Variants in RBM12B observed in about 807,000 individuals in gnomAD.
The protein encoded by RBM12B is RNA binding motif protein 12B.
RBM12B carries 10 observed loss-of-function variants against 34.3 expected under a neutral mutation model. The ratio of observed to expected loss-of-function variants is 0.29; its 90% CI spans 0.18 to 0.49. The LOEUF is 0.49. Among genes scored for constraint, RBM12B ranks in the 20% least tolerant of loss-of-function variants. The pLI is 0.99. For missense variants in RBM12B, 1,139 were observed against 1,262.7 expected, an observed-to-expected ratio of 0.90 and a Z score of 1.48; for synonymous variants, 477 against 437.1, an observed-to-expected ratio of 1.09 and a Z score of -1.14.
At position 93,734,780 on chromosome 8, in the gene RBM12B, T is replaced by A; in HGVS notation, c.1631A>T (p.Gln544Leu). The A allele has an allele frequency of 6.2e-7, 1 of 1,614,176 alleles. No homozygotes were observed. The highest frequency in any genetic ancestry group is 2.2e-5 in the East Asian group (1 of 44,888). The change falls in exon 4 of 4, where the codon CAG (glutamine) becomes CTG (leucine). Residue 544 changes from glutamine to leucine, a missense_variant. Physicochemically the swap from Gln to Leu is moderately radical, Grantham distance 113 (BLOSUM62 -2). Coordinates refer to ENST00000520560, the MANE Select transcript of RBM12B (RefSeq NM_001377960.1). The stretch of plus-strand genomic sequence containing the variant: ...CCTGTCAGGCTGCCGGAAATCCCTC[T>A]GGGGATGCTTGAAGTTATCCAGTTG... ...LRQLDNFKHP[Q>L]RDFRQPDRHP...
chr8:93,737,186 G>A (rs1812047331), intron 3 of RBM12B, 121 bp downstream of exon 3: 1 of 152,142 alleles, frequency 6.6e-6, no homozygotes, highest in Non-Finnish European at 1.5e-5. Context: ...CAGCCTGGAG[G>A]ACAGAGTGAG....
rs758800512 is a variant in RBM12B, at chr8:93,735,418, G to C, written c.993C>G (p.Phe331Leu). 1 of 1,613,294 alleles carries C rather than the reference G, an allele frequency of 6.2e-7. No individual in the cohort carries two copies. The highest frequency in any genetic ancestry group is 2.2e-5 in the East Asian group (1 of 44,860). Reference sequence around the variant, plus strand: ...CGGTATTATAGTCTTTCAGAGTCTTGAACATCACAAAGGCATATCTTGTTC... The same window carrying C: ...CGGTATTATAGTCTTTCAGAGTCTTCAACATCACAAAGGCATATCTTGTTC... Reference protein sequence around the residue: ...ENRTRYAFVMFKTLKDYNTAL... With the variant: ...ENRTRYAFVMLKTLKDYNTAL... Residue 331 changes from phenylalanine (F) to leucine (L), a missense_variant, in exon 4 of 4, where the codon TTC becomes TTG. Physicochemically the swap from Phe to Leu is conservative, Grantham distance 22 (BLOSUM62 0). Transcript: ENST00000520560.
rs1033704151 is a variant in RBM12B at position 93,734,573 on chromosome 8, T to TGCCTGAAGTCATCCTCCGGAGGGC, written c.1814_1837dup (p.Arg605_Arg612dup). The TGCCTGAAGTCATCCTCCGGAGGGC allele has an allele frequency of 6.2e-7, 1 of 1,610,954 alleles. No homozygotes were observed. The highest frequency in any genetic ancestry group is 8.5e-7 in the Non-Finnish European group (1 of 1,179,032). On this transcript the variant is annotated inframe_insertion, in exon 4 of 4. Coordinates refer to ENST00000520560, the MANE Select transcript of RBM12B (RefSeq NM_001377960.1). ...CCTCCTCCAGTCCTCCTCCCTAGGG[T>TGCCTGAAGTCATCCTCCGGAGGGC]GCCTGAAGTCATCCTCCGGAGGGCG...
In RBM12B at chr8:93,734,669, C is replaced by T. The variant is rs764615923; in HGVS notation, c.1742G>A (p.Arg581Gln). 3.5e-5 allele frequency: 56 copies of T among 1,613,814 alleles called. No individual in the cohort carries two copies. The highest frequency in any genetic ancestry group is 1.1e-4 in the South Asian group (10 of 91,082). Residue 581 changes from arginine to glutamine, a missense_variant, in exon 4 of 4, where the codon CGA becomes CAA. Around this residue, in one of 3 missense-constraint regions of RBM12B, gnomAD observed 863 missense variants for 869.5 expected, o/e 0.99. Coordinates refer to ENST00000520560, the MANE Select transcript of RBM12B (RefSeq NM_001377960.1). The part of the protein sequence containing the change: ...DFRHSPEDFR[R>Q]PREEDFRRPS... ...CCGCCTGAAGTCTTCCTCCCTAGGT[C>T]GCCTGAAGTCCTCTGGGGAGTGCCT... is the stretch of plus-strand genomic sequence containing the variant.
chr8:93,739,995 GAA>G, intron 2 of RBM12B: 1 of 300,986 alleles, frequency 3.3e-6, no homozygotes, highest in East Asian at 9.1e-5. Flanking sequence ...AACTAGCGAA[GAA>G]AAAGTCATTT....
chr8:93,737,415 G>A (rs994191243), intron 2 of RBM12B, 60 bp from the exon 3 acceptor site: 1 of 152,032 alleles, frequency 6.6e-6, no homozygotes. Flanking sequence ...CTTAAACAAC[G>A]CCAGAGTAGG....
At chr8:93,740,777 G>A in intron 1 of RBM12B, 81 bp from the exon 2 acceptor site, 1 of 334,676 alleles carries the variant, frequency 3.0e-6, no homozygotes, top group Non-Finnish European at 5.9e-6. Flanking sequence ...TACTGGCGCG[G>A]CCGCCGGTCC....
At chr8:93,738,689 A>G (rs1247755762) in intron 2 of RBM12B, among the ~76,000 whole-genome samples, 2 of 152,064 alleles carry the variant, frequency 1.3e-5, no homozygotes, top group African/African-American at 2.4e-5. Context: ...TAGGGAACTC[A>G]TGGGCTCAAG....
chr8:93,734,210 G>A lies in RBM12B; in HGVS notation c.2201C>T (p.Pro734Leu). The A allele has an allele frequency of 6.3e-7, 1 of 1,593,948 alleles. No individual in the cohort carries two copies. Among genetic ancestry groups the A allele is most frequent in the Non-Finnish European group, 8.6e-7 (1 of 1,169,510 alleles). ...TGGTCTCCGGAAATGCTCTGGGGGT[G>A]GCCGACGGAAATGCTCCTGAGGTGG... ...RRPPQEHFRR[P>L]PPEHFRRPPP... The change falls in exon 4 of 4, where the codon CCA becomes CTA. Residue 734 changes from proline to leucine, a missense_variant. Physicochemically the swap from Pro to Leu is moderately conservative, Grantham distance 98. Transcript: ENST00000520560.
chr8:93,740,222 T>C (rs746456621), intron 2 of RBM12B: 26 of 447,946 alleles, frequency 5.8e-5, no homozygotes, highest in Middle Eastern at 3.3e-4. Flanking sequence ...CCACAGTCCC[T>C]AGGAAGAACT....
rs778387954 is a variant in RBM12B, at chr8:93,733,880, C to T, written c.2531G>A (p.Arg844Lys). 6.2e-7 allele frequency: 1 copy of T among 1,613,938 alleles called. No individual in the cohort carries two copies. The highest frequency in any genetic ancestry group is 1.1e-5 in the South Asian group (1 of 91,078). ...DFRCPSDEDF[R>K]QLPEEDLREA... The stretch of plus-strand genomic sequence containing the variant: ...CCTAAGGTCTTCCTCTGGGAGCTGC[C>T]TGAAGTCCTCATCAGAAGGGCATCT... Residue 844 changes from arginine to lysine, a missense_variant, in exon 4 of 4, where the codon AGG becomes AAG. By Grantham distance (26) the Arg-to-Lys change is conservative (BLOSUM62 2). Coordinates refer to ENST00000520560, the MANE Select transcript of RBM12B (RefSeq NM_001377960.1).
rs1217564215 is a variant in RBM12B at position 93,731,160 on chromosome 8, TTAAAA to T, written c.*2240_*2244del. 2.6e-5 allele frequency: 4 copies of T among 152,168 alleles called. No individual in the cohort carries two copies. The highest frequency in any genetic ancestry group is 5.9e-5 in the Non-Finnish European group (4 of 68,032). 9.4% of individuals were successfully genotyped at this position (152,168 alleles called of 1,614,324 possible). ...GGCCAGCAGAACAAGACTCTGACTC[TTAAAA>T]TAATAAAACTACAAAGCTTATGTTT... On this transcript the variant is annotated 3_prime_UTR_variant, in exon 4 of 4. Transcript: ENST00000520560.
At position 93,736,302 on chromosome 8, in the gene RBM12B, CAA is replaced by C; in HGVS notation, c.107_108del (p.Ile36ArgfsTer15). On this transcript the variant is annotated frameshift_variant, in exon 4 of 4. Transcript: ENST00000520560. LOFTEE classifies it high-confidence loss of function. ...LTIPDGGVHI[I>X]GGEIGEAFII... The stretch of plus-strand genomic sequence containing the variant: ...ATAAAAGCCTCCCCAATTTCCCCTC[CAA>C]TTATATGCACTCCTCCATCAGGAAT... 3 of 1,614,022 alleles carry C rather than the reference CAA, an allele frequency of 1.9e-6. No homozygotes were observed. The highest frequency in any genetic ancestry group is 2.5e-6 in the Non-Finnish European group (3 of 1,180,038).
chr8:93,734,494 G>C lies in RBM12B; in HGVS notation c.1917C>G (p.Pro639=). ...RPLEEDFRRS[P]TEDFRQLPEE... is the part of the protein sequence containing the mutation. ...CGGGGAGCTGCCTGAAGTCCTCCGT[G>C]GGAGACCGCCTGAAATCCTCCTCCA... is the stretch of plus-strand genomic sequence containing the variant. The change falls in exon 4 of 4, where the codon CCC becomes CCG. Residue 639 remains proline (P), a synonymous_variant. Transcript: ENST00000520560. 6.2e-7 allele frequency: 1 copy of C among 1,606,810 alleles called. No individual in the cohort carries two copies. The highest frequency in any genetic ancestry group is 2.3e-5 in the East Asian group (1 of 44,234).
chr8:93,733,399 C>A lies in RBM12B; in HGVS notation c.*6G>T. On this transcript the variant is annotated 3_prime_UTR_variant, in exon 4 of 4. Transcript: ENST00000520560. ...GAAGATAACTGAATTTAGAAATGCT[C>A]TCTCTCTACAGCAAAGTTAACTTAA... 6.6e-7 allele frequency: 1 copy of A among 1,514,108 alleles called. No individual in the cohort carries two copies. The highest frequency in any genetic ancestry group is 1.4e-5 in the South Asian group (1 of 73,096). 93.8% of individuals were successfully genotyped at this position (1,514,108 alleles called of 1,614,324 possible).
rs1432609901 is a variant in RBM12B, at chr8:93,730,198, C to A, written c.*3207G>T. The A allele has an allele frequency of 6.6e-6, 1 of 152,140 alleles. No individual in the cohort carries two copies. The highest frequency in any genetic ancestry group is 2.4e-5 in the African/African-American group (1 of 41,410). The allele number at this position is 152,140 out of a possible 1,614,324, so 9.4% of individuals were successfully genotyped here. A position where few individuals can be genotyped will look rare whatever the true frequency, so the allele number is the denominator to read the frequency against. ...TACATAATTATACATCATATAGTAT[C>A]TAATACAGCTCAATAAACAACAGCT... On this transcript the variant is annotated 3_prime_UTR_variant, in exon 4 of 4. Coordinates refer to ENST00000520560, the MANE Select transcript of RBM12B (RefSeq NM_001377960.1).
At chr8:93,740,492 C>G (rs371148417) in intron 2 of RBM12B, 137 bp downstream of exon 2, 14 of 457,220 alleles carry the variant, frequency 3.1e-5, no homozygotes, top group African/African-American at 2.8e-4. Context: ...GGCAAACATT[C>G]CACCCTAACT....
In RBM12B at chr8:93,735,047, A is replaced by G. The variant is rs752999970; in HGVS notation, c.1364T>C (p.Met455Thr). Reference protein sequence around the residue: ...LVKFKSEEQAMKAERLNRRRF... With the variant: ...LVKFKSEEQATKAERLNRRRF... Reference sequence around the variant, plus strand: ...TCGTCGGTTTAAACGTTCAGCTTTCATGGCCTGTTCTTCTGATTTAAATTT... The same window carrying G: ...TCGTCGGTTTAAACGTTCAGCTTTCGTGGCCTGTTCTTCTGATTTAAATTT... The change falls in exon 4 of 4, where the codon ATG (methionine) becomes ACG (threonine). Residue 455 changes from methionine to threonine, a missense_variant. By Grantham distance (81) the Met-to-Thr change is moderately conservative. Transcript: ENST00000520560. The G allele has an allele frequency of 6.8e-6, 11 of 1,614,112 alleles. No individual in the cohort carries two copies. The highest frequency in any genetic ancestry group is 1.3e-5 in the African/African-American group (1 of 75,018).
rs996976691 is a variant in RBM12B, at chr8:93,734,198, T to G, written c.2213A>C (p.His738Pro). ...QEHFRRPPPE[H>P]FRRPPPEHFR... The stretch of plus-strand genomic sequence containing the variant: ...ATGCTCTGGAGGTGGTCTCCGGAAA[T>G]GCTCTGGGGGTGGCCGACGGAAATG... The change falls in exon 4 of 4, where the codon CAT becomes CCT. Residue 738 changes from histidine (H) to proline (P), a missense_variant. Physicochemically the swap from His to Pro is moderately conservative, Grantham distance 77. This residue lies in a region of RBM12B where 863 missense variants were observed against 869.5 expected (regional missense o/e 0.99). Transcript: ENST00000520560. 2 of 1,585,808 alleles carry G rather than the reference T, an allele frequency of 1.3e-6. No individual in the cohort carries two copies. Among genetic ancestry groups the G allele is most frequent in the Non-Finnish European group, 1.7e-6 (2 of 1,166,044 alleles).
Sources: gnomAD v4.1 joint callset for allele counts (sites outside exome capture counted in the v4.1 genomes callset) on GRCh38, gnomAD v4.1.1 for gene constraint, gnomAD v4.1.1 regional missense constraint, MANE v1.5 for transcripts, NCBI Gene and HGNC (gene_info 2026-07-23, HGNC 2026-07-21) for gene names.